The following ARSG variants were observed in gnomAD, a reference collection of about 807,000 sequenced individuals.
ARSG encodes the protein ASG.
A neutral mutation model predicts 50.5 loss-of-function variants in ARSG; 37 were observed. That is an observed-to-expected ratio of 0.73 (90% CI 0.56 to 0.96). The LOEUF is 0.96. ARSG is among the 50% of genes least tolerant of loss of function. The pLI, the probability that ARSG is intolerant of heterozygous loss-of-function variation, is 0.00. For missense variants in ARSG, 629 were observed against 675.3 expected (o/e 0.93, Z 0.76); for synonymous variants, 225 against 254.6 (o/e 0.88, Z 1.11).
At chr17:68,276,795 A>G (rs1228493575) in intron 1 of ARSG, among the ~76,000 whole-genome samples, 1 of 152,202 alleles carries the variant, frequency 6.6e-6, no homozygotes, top group Admixed American at 6.5e-5. Context: ...CTTTTCTCTT[A>G]GAAAACCCTT....
intron 1 of ARSG, among the ~76,000 whole-genome samples, chr17:68,296,951 G>C (rs1490363816): frequency 6.6e-6 from 1 of 152,220 alleles, no homozygotes; most frequent in Non-Finnish European, 1.5e-5. Flanking sequence ...AGCTGGCAGG[G>C]CGAGGCAGAG....
the ARSG span, chr17:68,434,756 T>C: frequency 7.0e-5 from 58 of 833,004 alleles, no homozygotes; most frequent in East Asian, 1.4e-3. Flanking sequence ...ACGTTGAGCA[T>C]AGAGGCATGT....
At chr17:68,360,688 G>A (rs1388085257) in intron 6 of ARSG, among the ~76,000 whole-genome samples, 1 of 152,214 alleles carries the variant, frequency 6.6e-6, no homozygotes, top group Non-Finnish European at 1.5e-5. Flanking sequence ...CTGGGTCACA[G>A]AGCTAGCTGG....
intron 9 of ARSG, among the ~76,000 whole-genome samples, chr17:68,392,977 G>A (rs2081066598): frequency 6.6e-6 from 1 of 152,188 alleles, no homozygotes; most frequent in African/African-American, 2.4e-5. Context: ...CTAAGCCAAT[G>A]GCTGTCACCA....
At chr17:68,341,031 A>G (rs1049158034) in intron 2 of ARSG, among the ~76,000 whole-genome samples, 1 of 152,210 alleles carries the variant, frequency 6.6e-6, no homozygotes. Context: ...ACCATATCAC[A>G]TAAAATCGTT....
the ARSG span, chr17:68,451,048 G>T: frequency 1.8e-6 from 2 of 1,104,168 alleles, no homozygotes; most frequent in Non-Finnish European, 2.5e-6. Flanking sequence ...CATTGACAGT[G>T]ATCCACCATG....
At chr17:68,327,264 C>T (rs150384848) in intron 2 of ARSG, among the ~76,000 whole-genome samples, 8 of 152,168 alleles carry the variant, frequency 5.3e-5, no homozygotes, top group South Asian at 2.1e-4. Flanking sequence ...CCTGGAGACA[C>T]GCAGGGAGGT....
chr17:68,336,887 A>G (rs1406644686), intron 2 of ARSG, among the ~76,000 whole-genome samples: 1 of 152,084 alleles, frequency 6.6e-6, no homozygotes, highest in African/African-American at 2.4e-5. Flanking sequence ...AATAAATAAG[A>G]AAAAGAAAGA....
chr17:68,352,962 A>G (rs1428675311), intron 5 of ARSG, among the ~76,000 whole-genome samples: 2 of 152,148 alleles, frequency 1.3e-5, no homozygotes, highest in African/African-American at 2.4e-5. Context: ...CGGACAGAGC[A>G]CTGTGGTTAT....
At chr17:68,300,796 G>A (rs782154347) in intron 1 of ARSG, among the ~76,000 whole-genome samples, 3 of 151,516 alleles carry the variant, frequency 2.0e-5, no homozygotes, top group Admixed American at 6.6e-5. Flanking sequence ...TCCTGGCATC[G>A]TTGGGTTCAC....
At chr17:68,414,520 G>A (rs1164089847) in intron 11 of ARSG, among the ~76,000 whole-genome samples, 2 of 152,132 alleles carry the variant, frequency 1.3e-5, no homozygotes, top group Admixed American at 6.5e-5. Context: ...CCTGGTTGTA[G>A]TATTAGGGTG....
rs1222331652 is a variant in ARSG, at chr17:68,406,371, G to A, written c.1303+4921G>A. Among the ~76,000 whole-genome samples, 8 of 152,116 alleles carry A rather than the reference G, an allele frequency of 5.3e-5. 1 individual carries two copies. Among genetic ancestry groups the A allele is most frequent in the Admixed American group, 2.0e-4 (3 of 15,266 alleles). ...ATATGTGTGTGCAAGTATCTTTTTC[G>A]TACAATGACTTCTTGTCCTCTGGGT... On this transcript the variant is annotated intron_variant, in intron 11 of 11. Coordinates refer to ENST00000621439, the MANE Select transcript of ARSG (RefSeq NM_001267727.2).
chr17:68,335,587 T>C (rs755080323), intron 2 of ARSG, among the ~76,000 whole-genome samples: 1 of 148,034 alleles, frequency 6.8e-6, no homozygotes, highest in Non-Finnish European at 1.5e-5. Flanking sequence ...TGTCAAATGG[T>C]ATATAATTAC....
the ARSG span, chr17:68,436,472 A>G: frequency 4.3e-6 from 7 of 1,613,896 alleles, no homozygotes; most frequent in Non-Finnish European, 5.9e-6. Context: ...TAGAGAGAGC[A>G]CATAGACCTG....
At chr17:68,413,122 G>T (rs949230988) in intron 11 of ARSG, among the ~76,000 whole-genome samples, 3 of 151,952 alleles carry the variant, frequency 2.0e-5, no homozygotes, top group African/African-American at 7.3e-5. Flanking sequence ...CTCTCAGCTC[G>T]TCAAAGTTAT....
intron 11 of ARSG, among the ~76,000 whole-genome samples, chr17:68,417,537 G>A (rs1385848552): frequency 6.6e-6 from 1 of 151,788 alleles, no homozygotes; most frequent in Non-Finnish European, 1.5e-5. Flanking sequence ...TGTCCACACT[G>A]AGCCTCCAGC....
In ARSG at chr17:68,369,764, G is replaced by A. The variant is rs374101212; in HGVS notation, c.902-680G>A. ...AGATGATGTATGTGAAACACTGGGT[G>A]CATAATAGATGCTCAATAAACAGTT... On this transcript the variant is annotated intron_variant, in intron 7 of 11. Coordinates refer to ENST00000621439, the MANE Select transcript of ARSG (RefSeq NM_001267727.2). Among the ~76,000 whole-genome samples the A allele has an allele frequency of 1.2e-4, 18 of 152,278 alleles. No homozygotes were observed. The South Asian group carries it at 2.7e-3, about 23-fold the overall frequency.
intron 1 of ARSG, among the ~76,000 whole-genome samples, chr17:68,275,224 C>A (rs1317537234): frequency 6.6e-6 from 1 of 152,144 alleles, no homozygotes; most frequent in Non-Finnish European, 1.5e-5. Context: ...TTAAATCTGG[C>A]AAATTAGTTT....
chr17:68,405,456 T>C (rs2081667937), intron 11 of ARSG, among the ~76,000 whole-genome samples: 1 of 152,222 alleles, frequency 6.6e-6, no homozygotes, highest in African/African-American at 2.4e-5. Context: ...TAAATGAAGT[T>C]GTTTTCACAA....
Sources: allele counts gnomAD v4.1 joint callset (sites outside exome capture counted in the v4.1 genomes callset), GRCh38; gene constraint gnomAD v4.1.1; transcripts MANE v1.5; gene names NCBI Gene and HGNC (gene_info 2026-07-23, HGNC 2026-07-21).